RBM26: variants seen among roughly 807,000 people sequenced by gnomAD.
The protein encoded by RBM26 is RNA binding motif protein 26.
In RBM26, 30 loss-of-function variants were observed where a neutral mutation model predicts 123.6. The ratio of observed to expected loss-of-function variants is 0.24; its 90% confidence interval spans 0.18 to 0.33. The LOEUF is 0.33. Ranked by LOEUF, RBM26 falls within the 10% of genes least tolerant of loss-of-function variation. The pLI, the probability that RBM26 is intolerant of heterozygous loss-of-function variation, is 1.00. For missense variants in RBM26, 947 were observed against 1,203.6 expected, an observed-to-expected ratio of 0.79 and a Z score of 3.15; for synonymous variants, 400 against 404.4, an observed-to-expected ratio of 0.99 and a Z score of 0.13.
intron 15 of RBM26, 112 bp from the exon 16 acceptor site, chr13:79,344,434 A>T (rs2071948170): frequency 1.1e-6 from 1 of 910,226 alleles, no homozygotes; most frequent in Admixed American, 2.2e-5. Context: ...AATTATATGC[A>T]AGGCTTTTCT....
Position 79,405,726 on chromosome 13 carries a change from G to A in RBM26, c.49C>T (p.Leu17Phe). The change falls in exon 1 of 22, where the codon CTC (leucine) becomes TTC (phenylalanine). Residue 17 changes from leucine (L) to phenylalanine (F), a missense_variant. Physicochemically the swap from Leu to Phe is conservative, Grantham distance 22 (BLOSUM62 0). Around this residue, in one of 5 missense-constraint regions of RBM26, gnomAD observed 275 missense variants for 361.0 expected, o/e 0.76. Coordinates refer to ENST00000438737, the MANE Select transcript of RBM26 (RefSeq NM_001366735.2). The part of the protein sequence containing the change: ...IENFEALKSW[L>F]SKTLEPICDA... ...CACATGGGCTCGAGAGTCTTGCTGA[G>A]CCAGGACTTGAGTGCCTCGAAGTTT... The A allele has an allele frequency of 6.3e-7, 1 of 1,598,748 alleles. No homozygotes were observed.
At chr13:79,316,932 G>A (rs1396292446), downstream of RBM26, among the ~76,000 whole-genome samples, 1 of 151,592 alleles carries the variant, frequency 6.6e-6, no homozygotes, top group African/African-American at 2.4e-5. Context: ...TGTTAGGAGA[G>A]CTGCAGAATT....
At chr13:79,385,363 AAATC>A (rs2077393112) in intron 1 of RBM26, among the ~76,000 whole-genome samples, 1 of 152,246 alleles carries the variant, frequency 6.6e-6, no homozygotes, top group Non-Finnish European at 1.5e-5. Context: ...CTACAAAATA[AAATC>A]AAAATATAAG....
intron 1 of RBM26, among the ~76,000 whole-genome samples, chr13:79,394,997 G>A (rs774836477): frequency 2.6e-5 from 4 of 152,116 alleles, no homozygotes; most frequent in East Asian, 1.9e-4. Context: ...TGAATCAAAC[G>A]AAAGTTGTTA....
intron 9 of RBM26, among the ~76,000 whole-genome samples, chr13:79,364,652 T>C (rs1324599400): frequency 6.6e-6 from 1 of 152,186 alleles, no homozygotes; most frequent in Non-Finnish European, 1.5e-5. Flanking sequence ...CTGAATCTTA[T>C]TAGTTTACAT....
At chr13:79,373,518 TATTA>T (rs2076311861) in intron 3 of RBM26, among the ~76,000 whole-genome samples, 1 of 25,140 alleles carries the variant, frequency 4.0e-5, no homozygotes, top group Non-Finnish European at 7.3e-5. Flanking sequence ...TATTTATATA[TATTA>T]CTATATATAT....
At chr13:79,360,710 A>G (rs1396513674) in intron 9 of RBM26, among the ~76,000 whole-genome samples, 1 of 38,058 alleles carries the variant, frequency 2.6e-5, no homozygotes, top group African/African-American at 1.3e-4. Flanking sequence ...ACTTGCTTTA[A>G]AAAAGGAAAA....
chr13:79,381,629 T>G (rs1189929607), intron 1 of RBM26, among the ~76,000 whole-genome samples: 1 of 152,016 alleles, frequency 6.6e-6, no homozygotes, highest in Non-Finnish European at 1.5e-5. Context: ...CACCATTATT[T>G]TTTAAATAGG....
chr13:79,356,004 AAT>A (rs1212518490), intron 11 of RBM26, among the ~76,000 whole-genome samples: 1 of 152,210 alleles, frequency 6.6e-6, no homozygotes, highest in Non-Finnish European at 1.5e-5. Context: ...TTCTTTCAAT[AAT>A]AGAGTTTTCC....
At chr13:79,383,675 G>A (rs1417846762) in intron 1 of RBM26, among the ~76,000 whole-genome samples, 4 of 151,864 alleles carry the variant, frequency 2.6e-5, no homozygotes. Flanking sequence ...ATTGGGGGGT[G>A]GGGGGAACCA....
chr13:79,351,604 C>T (rs117062845), intron 14 of RBM26, among the ~76,000 whole-genome samples: 1 of 107,822 alleles, frequency 9.3e-6, no homozygotes, highest in Non-Finnish European at 2.0e-5. Flanking sequence ...GTTGGGGCGG[C>T]GGGGGGGGAA....
At chr13:79,391,983 TATGCA>T (rs1428498411) in intron 1 of RBM26, among the ~76,000 whole-genome samples, 31 of 128,870 alleles carry the variant, frequency 2.4e-4, no homozygotes, top group Non-Finnish European at 3.8e-4. Context: ...AATTATATAT[TATGCA>T]ATACATTATT....
intron 20 of RBM26, among the ~76,000 whole-genome samples, chr13:79,328,440 G>A (rs1291425526): frequency 1.3e-5 from 2 of 150,042 alleles, no homozygotes; most frequent in East Asian, 1.9e-4. Flanking sequence ...TAAGTTCCAC[G>A]TAAATTTTTA....
At chr13:79,390,611 G>C (rs1218174230) in intron 1 of RBM26, among the ~76,000 whole-genome samples, 1 of 152,086 alleles carries the variant, frequency 6.6e-6, no homozygotes, top group Non-Finnish European at 1.5e-5. Flanking sequence ...TAAAACTAAA[G>C]TACTGAAGTA....
Position 79,320,269 on chromosome 13 carries a change from A to T in RBM26, c.*352T>A, listed in dbSNP as rs1265758968. The T allele has an allele frequency of 2.2e-5, 22 of 978,478 alleles. No individual in the cohort carries two copies. The highest frequency in any genetic ancestry group is 2.7e-5 in the Non-Finnish European group (22 of 821,522). The allele number at this position is 978,478 out of a possible 1,614,324, so 60.6% of individuals were successfully genotyped here. On this transcript the variant is annotated 3_prime_UTR_variant, in exon 22 of 22. Coordinates refer to ENST00000438737, the MANE Select transcript of RBM26 (RefSeq NM_001366735.2). The stretch of plus-strand genomic sequence containing the variant: ...TGCAAATTCATTCCTTATTTGGAAT[A>T]AAACAAAGTCCTCTAAGTTATAACA...
intron 1 of RBM26, among the ~76,000 whole-genome samples, chr13:79,391,065 T>G (rs2077934198): frequency 6.6e-6 from 1 of 152,156 alleles, no homozygotes; most frequent in East Asian, 1.9e-4. Flanking sequence ...AATACATAAA[T>G]AAGGCTATAT....
Position 79,370,961 on chromosome 13 carries a change from G to A in RBM26, c.618C>T (p.Ser206=), listed in dbSNP as rs2075821374. 6 of 1,595,222 alleles carry A rather than the reference G, an allele frequency of 3.8e-6. No homozygotes were observed. The highest frequency in any genetic ancestry group is 4.3e-6 in the Non-Finnish European group (5 of 1,162,772). ...ATTATTTACCCCTGCTTCGTGTTCTGCTTCTGCTTCTAGTCCTGCTTCTAT... is the reference window on the plus strand; with the variant it reads ...ATTATTTACCCCTGCTTCGTGTTCTACTTCTGCTTCTAGTCCTGCTTCTAT... ...DRDRSRTRSR[S]RTRSRERDLV... The change falls in exon 5 of 22, where the codon AGC becomes AGT. Residue 206 remains serine, a synonymous_variant. Coordinates refer to ENST00000438737, the MANE Select transcript of RBM26 (RefSeq NM_001366735.2).
chr13:79,327,578 G>C (rs959081011), intron 20 of RBM26, among the ~76,000 whole-genome samples: 22 of 151,856 alleles, frequency 1.4e-4, no homozygotes, highest in African/African-American at 5.1e-4. Context: ...ACCCAAGAGA[G>C]CAAAATTAAA....
intron 18 of RBM26, among the ~76,000 whole-genome samples, chr13:79,340,608 GTTGT>G (rs1039084294): frequency 5.9e-5 from 9 of 151,934 alleles, no homozygotes; most frequent in African/African-American, 2.2e-4. Flanking sequence ...TTCACTAGGA[GTTGT>G]TTCTTATATA....
Sources: gnomAD v4.1 joint callset for allele counts (sites outside exome capture counted in the v4.1 genomes callset) on GRCh38, gnomAD v4.1.1 for gene constraint, gnomAD v4.1.1 regional missense constraint, MANE v1.5 for transcripts, NCBI Gene and HGNC (gene_info 2026-07-23, HGNC 2026-07-21) for gene names.